The following CDH13 variants were observed in gnomAD, a reference collection of about 807,000 sequenced individuals.
CDH13 encodes cadherin 13, also known as cadherin-13.
CDH13 carries 24 observed loss-of-function variants against 63.8 expected under a neutral mutation model. The observed-to-expected ratio is 0.38, with a 90% CI of 0.27 to 0.53. CDH13 has a LOEUF of 0.53. Among genes scored for constraint, CDH13 ranks in the 20% least tolerant of loss-of-function variants. CDH13 has a pLI of 0.85. For missense variants in CDH13, 1,049 were observed against 903.1 expected, an observed-to-expected ratio of 1.16 and a Z score of -2.07; for synonymous variants, 503 against 355.3, an observed-to-expected ratio of 1.42 and a Z score of -4.67.
Position 83,544,086 on chromosome 16 carries a change from C to G in CDH13, c.960+57431C>G, listed in dbSNP as rs973041295. Among the ~76,000 whole-genome samples, 11 of 152,270 alleles carry G rather than the reference C, an allele frequency of 7.2e-5. No homozygotes were observed. The East Asian group carries it at 7.7e-4, about 11-fold the overall frequency. On this transcript the variant is annotated intron_variant, in intron 7 of 13. Coordinates refer to ENST00000567109, the MANE Select transcript of CDH13 (RefSeq NM_001257.5). ...CCCAGTGGTTACTAGGTGGGGTGCT[C>G]TGTGCAGTGTGCTTCGAGCACACCC...
chr16:83,193,176 A>G (rs1316464994), intron 4 of CDH13, among the ~76,000 whole-genome samples: 2 of 151,854 alleles, frequency 1.3e-5, no homozygotes, highest in African/African-American at 4.8e-5. Context: ...AGATCAGGGT[A>G]TTAGCCGTGG....
At chr16:83,066,102 C>A (rs7196826) in intron 3 of CDH13, among the ~76,000 whole-genome samples, 60,677 of 152,040 alleles carry the variant, frequency 0.4, 15,532 homozygotes, top group African/African-American at 0.72. Flanking sequence ...GGATGTAATA[C>A]GATAGTGACA....
intron 1 of CDH13, among the ~76,000 whole-genome samples, chr16:82,655,205 G>A (rs1457311911): frequency 6.6e-6 from 1 of 152,184 alleles, no homozygotes; most frequent in Non-Finnish European, 1.5e-5. Flanking sequence ...TATCTTCATG[G>A]AGCTATTGCT....
chr16:82,814,787 C>A (rs1003899467), intron 1 of CDH13, among the ~76,000 whole-genome samples: 1 of 152,156 alleles, frequency 6.6e-6, no homozygotes, highest in African/African-American at 2.4e-5. Flanking sequence ...GTCAGAAGCA[C>A]AGGCCACAAC....
intron 10 of CDH13, chr16:83,728,830 C>G (rs866863351): frequency 6.6e-6 from 1 of 152,344 alleles, no homozygotes; most frequent in Middle Eastern, 3.4e-3. Context: ...CCAAATACCA[C>G]AGACTGGGCA....
chr16:82,892,345 C>T (rs947937217), intron 2 of CDH13, among the ~76,000 whole-genome samples: 4 of 152,162 alleles, frequency 2.6e-5, no homozygotes, highest in South Asian at 2.1e-4. Context: ...TCTAGTCTTA[C>T]GCAGCTTATT....
chr16:82,627,169 C>T (rs771924624), intron 1 of CDH13, 32 bp downstream of exon 1: 9 of 1,575,224 alleles, frequency 5.7e-6, no homozygotes, highest in African/African-American at 1.3e-5. Context: ...GCGCGCTCTG[C>T]GCCCCGTTTC....
At chr16:83,407,870 T>C (rs1237484482) in intron 6 of CDH13, among the ~76,000 whole-genome samples, 1 of 152,220 alleles carries the variant, frequency 6.6e-6, no homozygotes, top group Admixed American at 6.5e-5. Flanking sequence ...CTCACAAATG[T>C]ATAACTGAGT....
chr16:82,887,043 G>A (rs574646666), intron 2 of CDH13, among the ~76,000 whole-genome samples: 4 of 152,146 alleles, frequency 2.6e-5, no homozygotes, highest in Non-Finnish European at 5.9e-5. Flanking sequence ...AACCATATCT[G>A]TGTAGGTTTC....
At chr16:82,814,720 AG>A (rs1180589794) in intron 1 of CDH13, among the ~76,000 whole-genome samples, 2 of 152,168 alleles carry the variant, frequency 1.3e-5, no homozygotes, top group African/African-American at 4.8e-5. Flanking sequence ...GAGTCACTGT[AG>A]CAAATTAATA....
intron 4 of CDH13, among the ~76,000 whole-genome samples, chr16:83,190,226 G>C (rs537823373): frequency 1.3e-5 from 2 of 152,330 alleles, no homozygotes; most frequent in African/African-American, 4.8e-5. Context: ...CGCTTGGCTA[G>C]AAGTACATCT....
At chr16:82,700,951 A>ACCACCCCCCCCCCCC (rs1567641690) in intron 1 of CDH13, among the ~76,000 whole-genome samples, 2 of 13,806 alleles carry the variant, frequency 1.4e-4, no homozygotes, top group Non-Finnish European at 2.1e-4. Context: ...AAGTGCTGGA[A>ACCACCCCCCCCCCCC]CCCGCCCCCC....
At chr16:83,602,115 A>AAAAAAAAAAAAAAAAAAAAAAAAAC (rs1907883849) in intron 7 of CDH13, among the ~76,000 whole-genome samples, 1 of 68,674 alleles carries the variant, frequency 1.5e-5, no homozygotes, top group Non-Finnish European at 2.7e-5. Flanking sequence ...AACAAAAAAA[A>AAAAAAAAAAAAAAAAAAAAAAAAAC]AAAAAAAAAA....
At chr16:83,449,111 C>A (rs1206132199) in intron 6 of CDH13, among the ~76,000 whole-genome samples, 1 of 152,162 alleles carries the variant, frequency 6.6e-6, no homozygotes, top group Non-Finnish European at 1.5e-5. Context: ...TCCATATTAA[C>A]CTACGTTTTA....
At chr16:82,921,853 C>G (rs1567663709) in intron 2 of CDH13, among the ~76,000 whole-genome samples, 1 of 152,098 alleles carries the variant, frequency 6.6e-6, no homozygotes, top group African/African-American at 2.4e-5. Flanking sequence ...CTTGATAAAA[C>G]TTACCTGTAA....
chr16:83,415,298 A>C (rs951655391), intron 6 of CDH13, among the ~76,000 whole-genome samples: 4 of 152,174 alleles, frequency 2.6e-5, no homozygotes, highest in Non-Finnish European at 4.4e-5. Flanking sequence ...CAAATTCTCA[A>C]CAAAGTAAAG....
At chr16:82,989,121 G>A (rs1249831006) in intron 2 of CDH13, among the ~76,000 whole-genome samples, 6 of 152,182 alleles carry the variant, frequency 3.9e-5, no homozygotes, top group African/African-American at 1.4e-4. Flanking sequence ...GTACAAAGCA[G>A]ACAAAGGGGA....
chr16:83,053,641 C>G (rs1381273781), intron 3 of CDH13, among the ~76,000 whole-genome samples: 2 of 152,020 alleles, frequency 1.3e-5, no homozygotes, highest in African/African-American at 2.4e-5. Flanking sequence ...GAAAATATAT[C>G]CTGTAAATAT....
chr16:83,202,900 G>T (rs2039072282), intron 4 of CDH13, among the ~76,000 whole-genome samples: 1 of 152,160 alleles, frequency 6.6e-6, no homozygotes, highest in Non-Finnish European at 1.5e-5. Context: ...CTCCAGAAGT[G>T]GGGAGGGATG....
Sources: allele counts gnomAD v4.1 joint callset (sites outside exome capture counted in the v4.1 genomes callset), GRCh38; gene constraint gnomAD v4.1.1; transcripts MANE v1.5; gene names NCBI Gene and HGNC (gene_info 2026-07-23, HGNC 2026-07-21).